The following USP18 variants were observed in gnomAD, a reference collection of about 807,000 sequenced individuals.
USP18 encodes the protein ubl carboxyl-terminal hydrolase 18.
USP18 carries 11 observed loss-of-function variants against 48.7 expected under a neutral mutation model. That is an observed-to-expected ratio of 0.23 (90% CI 0.14 to 0.37). The LOEUF (loss-of-function observed/expected upper bound fraction) is 0.37, where lower values mean the gene tolerates loss of function less well. Ranked by LOEUF, USP18 falls within the 10% of genes least tolerant of loss-of-function variation. USP18 has a pLI of 1.00. For synonymous variants in USP18, 114 were observed against 163.2 expected, an observed-to-expected ratio of 0.70 and a Z score of 2.30; for missense variants, 285 against 436.4, an observed-to-expected ratio of 0.65 and a Z score of 3.09.
At chr22:18,152,259 T>C (rs1929019111) in intron 1 of USP18, among the ~76,000 whole-genome samples, 1 of 151,884 alleles carries the variant, frequency 6.6e-6, no homozygotes, top group Non-Finnish European at 1.5e-5. Context: ...GAGAGTCCAG[T>C]TGTGAGTGGA....
chr22:18,161,011 T>C (rs1203750860), intron 3 of USP18, among the ~76,000 whole-genome samples: 20 of 151,512 alleles, frequency 1.3e-4, no homozygotes, highest in East Asian at 7.8e-4. Context: ...CTCAGGTGAT[T>C]TGCCCACCTC....
chr22:18,166,180 T>C (rs1267180836), intron 4 of USP18, among the ~76,000 whole-genome samples: 1 of 152,236 alleles, frequency 6.6e-6, no homozygotes, highest in African/African-American at 2.4e-5. Flanking sequence ...TCCAGGTTTA[T>C]GGATTCTTTC....
At chr22:18,158,804 G>A (rs999173669) in intron 2 of USP18, among the ~76,000 whole-genome samples, 1 of 152,094 alleles carries the variant, frequency 6.6e-6, no homozygotes, top group Non-Finnish European at 1.5e-5. Context: ...AGACCTCTCC[G>A]CTGGACTCCA....
rs1929295449 is a variant in USP18, at chr22:18,160,378, T to C, written c.254+110T>C. ...TGGAGTGCAGTGGCATGATCTTGGC[T>C]CACTGCAAGTTCTGCCTCCCGGGTT... On this transcript the variant is annotated intron_variant, in intron 3 of 10. Transcript: ENST00000215794. The C allele has an allele frequency of 5.3e-5, 69 of 1,313,108 alleles. No homozygotes were observed. In the South Asian group the frequency reaches 8.9e-4, roughly 17 times the overall value. 81.3% of individuals were successfully genotyped at this position (1,313,108 alleles called of 1,614,324 possible). A position where few individuals can be genotyped will look rare whatever the true frequency, so the allele number is the denominator to read the frequency against.
At chr22:18,151,661 T>A (rs1929002753) in intron 1 of USP18, among the ~76,000 whole-genome samples, 1 of 152,186 alleles carries the variant, frequency 6.6e-6, no homozygotes, top group Non-Finnish European at 1.5e-5. Flanking sequence ...GAGCTGTTTT[T>A]TTTTTTGAGA....
Position 18,173,134 on chromosome 22 carries a change from G to A in USP18, c.892-16G>A, listed in dbSNP as rs1396659985. 5 of 1,584,918 alleles carry A rather than the reference G, an allele frequency of 3.2e-6. No homozygotes were observed. The highest frequency in any genetic ancestry group is 4.3e-6 in the Non-Finnish European group (5 of 1,167,504). ...TGTGGTGGTGGGTGAACTGTCTCGT[G>A]CCTGTCTCTTTCCAGTCTGGAGGGC... On this transcript the variant is annotated splice_polypyrimidine_tract_variant and intron_variant, in intron 8 of 10. Coordinates refer to ENST00000215794, the MANE Select transcript of USP18 (RefSeq NM_017414.4).
At chr22:18,163,159 G>T (rs1929373972) in intron 4 of USP18, among the ~76,000 whole-genome samples, 1 of 151,794 alleles carries the variant, frequency 6.6e-6, no homozygotes, top group African/African-American at 2.4e-5. Flanking sequence ...CTTTGTTCAT[G>T]CATTGCTGTC....
At chr22:18,153,702 C>T (rs1173025063) in intron 1 of USP18, among the ~76,000 whole-genome samples, 1 of 152,188 alleles carries the variant, frequency 6.6e-6, no homozygotes, top group Non-Finnish European at 1.5e-5. Context: ...CTTGCCTCAG[C>T]CAACCAAAGT....
At position 18,160,149 on chromosome 22, in the gene USP18, A is replaced by AT. The variant is rs757830633; in HGVS notation, c.158-16dup. ...CTTTACCCTAGGCCTTGCCCTCAGC[A>AT]TTTTTTTCTCTTCCCCTTATAGGCC... On this transcript the variant is annotated intron_variant, in intron 2 of 10. Coordinates refer to ENST00000215794, the MANE Select transcript of USP18 (RefSeq NM_017414.4). 68 of 1,611,130 alleles carry AT rather than the reference A, an allele frequency of 4.2e-5. No homozygotes were observed. The South Asian group carries it at 7.0e-4, about 17-fold the overall frequency.
At chr22:18,159,401 C>G (rs536409299) in intron 2 of USP18, among the ~76,000 whole-genome samples, 2 of 151,892 alleles carry the variant, frequency 1.3e-5, no homozygotes, top group African/African-American at 4.8e-5. Flanking sequence ...ATCTTCTCTC[C>G]GATTTGTTTG....
At chr22:18,169,658 C>G (rs1929573328) in intron 6 of USP18, among the ~76,000 whole-genome samples, 186 bp from the exon 7 acceptor site, 1 of 152,176 alleles carries the variant, frequency 6.6e-6, no homozygotes, top group Non-Finnish European at 1.5e-5. Context: ...CTTCCTGCGG[C>G]CTCCCTAGAA....
chr22:18,169,472 A>G (rs976789511), intron 6 of USP18, among the ~76,000 whole-genome samples: 1 of 152,230 alleles, frequency 6.6e-6, no homozygotes, highest in African/African-American at 2.4e-5. Flanking sequence ...GCTACTTAGG[A>G]GGCTGAGGCA....
intron 1 of USP18, among the ~76,000 whole-genome samples, chr22:18,151,748 T>C (rs1929004824): frequency 6.6e-6 from 1 of 152,106 alleles, no homozygotes; most frequent in Non-Finnish European, 1.5e-5. Context: ...AACCCGCATA[T>C]TACGATTACT....
At chr22:18,157,362 G>A (rs1929187593) in intron 1 of USP18, among the ~76,000 whole-genome samples, 196 bp from the exon 2 acceptor site, 1 of 152,214 alleles carries the variant, frequency 6.6e-6, no homozygotes, top group Admixed American at 6.5e-5. Context: ...AGTCGGCTCT[G>A]AGGATGAATG....
intron 1 of USP18, among the ~76,000 whole-genome samples, chr22:18,154,137 C>T (rs1460240592): frequency 6.6e-6 from 1 of 150,870 alleles, no homozygotes; most frequent in Non-Finnish European, 1.5e-5. Context: ...TAAGGAATCT[C>T]CATACTGTTT....
intron 6 of USP18, 133 bp downstream of exon 6, chr22:18,168,169 G>C: frequency 1.4e-6 from 2 of 1,425,950 alleles, no homozygotes; most frequent in Non-Finnish European, 1.9e-6. Context: ...TTGAGGGGCT[G>C]CACCTGGTGA....
At position 18,165,738 on chromosome 22, in the gene USP18, G is replaced by A. The variant is rs946971141; in HGVS notation, c.401-1517G>A. Among the ~76,000 whole-genome samples, 161 of 151,148 alleles carry A rather than the reference G, an allele frequency of 1.1e-3. 2 individuals carry two copies. The highest frequency in any genetic ancestry group is 3.9e-3 in the African/African-American group (159 of 41,190). ...CACCAGGGAACTCTCCCTGCCAGGGGGTGGCTTCGAAACTTCCACCCTCTA... is the reference window on the plus strand; with the variant it reads ...CACCAGGGAACTCTCCCTGCCAGGGAGTGGCTTCGAAACTTCCACCCTCTA... On this transcript the variant is annotated intron_variant, in intron 4 of 10. Transcript: ENST00000215794.
chr22:18,159,797 T>G (rs1929275355), intron 2 of USP18, among the ~76,000 whole-genome samples: 1 of 150,434 alleles, frequency 6.6e-6, no homozygotes, highest in Non-Finnish European at 1.5e-5. Flanking sequence ...TGCCTCAGCC[T>G]CCTGAGTAGC....
At chr22:18,164,918 A>G (rs1457955487) in intron 4 of USP18, among the ~76,000 whole-genome samples, 5 of 152,076 alleles carry the variant, frequency 3.3e-5, no homozygotes, top group African/African-American at 1.2e-4. Context: ...TCCTCACAGT[A>G]AGGTACTGTG....
Sources: allele counts gnomAD v4.1 joint callset (sites outside exome capture counted in the v4.1 genomes callset), GRCh38; gene constraint gnomAD v4.1.1; transcripts MANE v1.5; gene names NCBI Gene and HGNC (gene_info 2026-07-23, HGNC 2026-07-21).